CECR2: variants seen among roughly 807,000 people sequenced by gnomAD.
CECR2 encodes the protein CECR2 histone acetyl-lysine reader.
In CECR2, 30 loss-of-function variants were observed where a neutral mutation model predicts 154.5. The observed-to-expected ratio is 0.19, with a 90% CI of 0.15 to 0.26. The LOEUF (loss-of-function observed/expected upper bound fraction) is 0.26. Ranked by LOEUF, CECR2 falls within the 10% of genes least tolerant of loss-of-function variation. The pLI is 1.00. For synonymous variants in CECR2, 725 were observed against 683.7 expected (o/e 1.06, Z -0.94); for missense variants, 1,743 against 1,829.3 (o/e 0.95, Z 0.86).
chr22:17,513,110 G>A (rs2055989058), intron 8 of CECR2, among the ~76,000 whole-genome samples: 1 of 152,050 alleles, frequency 6.6e-6, no homozygotes, highest in Non-Finnish European at 1.5e-5. Context: ...GTGTAGCTCA[G>A]GAGCCTGAAG....
At chr22:17,421,090 AT>A (rs112141868) in intron 1 of CECR2, among the ~76,000 whole-genome samples, 10 of 150,912 alleles carry the variant, frequency 6.6e-5, no homozygotes, top group African/African-American at 1.9e-4. Flanking sequence ...TTAGCTAAGA[AT>A]TTTTTTTTTA....
chr22:17,511,112 C>T (rs2055942676), intron 7 of CECR2, among the ~76,000 whole-genome samples: 1 of 152,166 alleles, frequency 6.6e-6, no homozygotes, highest in South Asian at 2.1e-4. Flanking sequence ...TAAGGGAAGG[C>T]CTTTGCTTGT....
At chr22:17,429,476 C>T (rs113602412) in intron 1 of CECR2, among the ~76,000 whole-genome samples, 2,179 of 146,580 alleles carry the variant, frequency 0.015, 58 homozygotes, top group African/African-American at 0.051. Context: ...CCGAGGTAGT[C>T]GGATCGCTTG....
At chr22:17,438,955 C>T (rs2054545784) in intron 1 of CECR2, among the ~76,000 whole-genome samples, 1 of 152,056 alleles carries the variant, frequency 6.6e-6, no homozygotes, top group South Asian at 2.1e-4. Flanking sequence ...TTGGGAGGAT[C>T]ACTTGAGGCC....
chr22:17,534,975 C>A (rs891140699), intron 9 of CECR2, among the ~76,000 whole-genome samples: 5 of 151,392 alleles, frequency 3.3e-5, no homozygotes, highest in African/African-American at 1.2e-4. Context: ...ACAGTGAAAC[C>A]CCGTCTCTAC....
intron 1 of CECR2, among the ~76,000 whole-genome samples, chr22:17,423,506 CAA>C (rs77498895): frequency 0.28 from 40,342 of 143,612 alleles, 7,201 homozygotes; most frequent in African/African-American, 0.52. Flanking sequence ...GACTCTGTCT[CAA>C]AAAAAAAAAA....
chr22:17,527,973 C>G (rs956406957), intron 9 of CECR2, among the ~76,000 whole-genome samples: 1 of 152,070 alleles, frequency 6.6e-6, no homozygotes, highest in South Asian at 2.1e-4. Flanking sequence ...ATAAATTAGT[C>G]CCCCGCTATG....
Position 17,445,567 on chromosome 22 carries a change from A to G in CECR2, c.127-32021A>G, listed in dbSNP as rs928441815. On this transcript the variant is annotated intron_variant, in intron 1 of 18. Coordinates refer to ENST00000262608, the MANE Select transcript of CECR2 (RefSeq NM_001290047.2). ...CTTTATTATTATTATTATTATTATT[A>G]TTATTATTATTATTATTATTATTAT... Among the ~76,000 whole-genome samples the G allele has an allele frequency of 1.9e-4, 18 of 94,652 alleles. No homozygotes were observed. The East Asian group carries it at 2.7e-3, about 14-fold the overall frequency. The allele number at this position is 94,652 out of a possible 152,430, so 62.1% of individuals were successfully genotyped here.
chr22:17,442,784 T>C (rs993895583), intron 1 of CECR2, among the ~76,000 whole-genome samples: 2 of 152,056 alleles, frequency 1.3e-5, no homozygotes, highest in East Asian at 1.9e-4. Context: ...CCTGACCTCA[T>C]GATCCACCCT....
intron 1 of CECR2, among the ~76,000 whole-genome samples, chr22:17,443,269 T>C (rs2054610990): frequency 6.6e-6 from 1 of 152,266 alleles, no homozygotes; most frequent in Non-Finnish European, 1.5e-5. Context: ...TTCCCGTTTT[T>C]AGTTTTAACA....
At chr22:17,541,367 C>T (rs1374700080) in intron 14 of CECR2, among the ~76,000 whole-genome samples, 1 of 152,158 alleles carries the variant, frequency 6.6e-6, no homozygotes, top group Non-Finnish European at 1.5e-5. Context: ...ATTGCTTGAA[C>T]CCAGGAGGCA....
chr22:17,544,178 C>CA (rs2056574007), intron 16 of CECR2, among the ~76,000 whole-genome samples: 1 of 152,140 alleles, frequency 6.6e-6, no homozygotes, highest in Non-Finnish European at 1.5e-5. Context: ...CCAGCCTGGG[C>CA]AAGAGAGTAA....
chr22:17,469,048 C>T (rs1228085036), intron 1 of CECR2, among the ~76,000 whole-genome samples: 1 of 152,016 alleles, frequency 6.6e-6, no homozygotes, highest in East Asian at 1.9e-4. Context: ...GCCCTCCTGA[C>T]CCAATCACCT....
intron 1 of CECR2, among the ~76,000 whole-genome samples, chr22:17,423,785 C>T (rs1457817760): frequency 2.0e-5 from 3 of 152,092 alleles, no homozygotes; most frequent in African/African-American, 7.2e-5. Flanking sequence ...CCGGCTGTCT[C>T]CAGTTTGGGG....
At position 17,549,027 on chromosome 22, in the gene CECR2, A is replaced by C. The variant is rs764954759; in HGVS notation, c.3740A>C (p.Gln1247Pro). The C allele has an allele frequency of 1.3e-5, 21 of 1,613,964 alleles. No homozygotes were observed. Among genetic ancestry groups the C allele is most frequent in the Non-Finnish European group, 1.8e-5 (21 of 1,179,890 alleles). ...FSDKNAMASL[Q>P]GCETLNAALT... is the part of the protein sequence containing the mutation. The stretch of plus-strand genomic sequence containing the variant: ...GATAAGAATGCCATGGCCAGTCTGC[A>C]AGGCTGTGAGACACTGAATGCTGCC... Residue 1247 changes from glutamine to proline, a missense_variant, in exon 17 of 19, where the codon CAA (glutamine) becomes CCA (proline). Coordinates refer to ENST00000262608, the MANE Select transcript of CECR2 (RefSeq NM_001290047.2).
chr22:17,368,743 G>C (rs879698466), upstream of CECR2, among the ~76,000 whole-genome samples: 6 of 152,022 alleles, frequency 3.9e-5, no homozygotes, highest in Non-Finnish European at 8.8e-5. Context: ...AGGGTTCCGA[G>C]CCCGTCTTCT....
intron 2 of CECR2, among the ~76,000 whole-genome samples, chr22:17,486,408 C>T (rs2055421084): frequency 6.6e-6 from 1 of 152,134 alleles, no homozygotes. Context: ...CCGAGGAGGC[C>T]CCCGTGATGC....
intron 1 of CECR2, among the ~76,000 whole-genome samples, chr22:17,387,530 C>A (rs113227729): frequency 9.6e-4 from 146 of 152,316 alleles, no homozygotes; most frequent in Non-Finnish European, 1.6e-3. Context: ...CTCCAGCCTG[C>A]TGGCGTGTGT....
chr22:17,462,422 G>A (rs2054956306), intron 1 of CECR2, among the ~76,000 whole-genome samples: 1 of 151,994 alleles, frequency 6.6e-6, no homozygotes, highest in Non-Finnish European at 1.5e-5. Flanking sequence ...GTAGGTTGAG[G>A]TCATTTGGGG....
Sources: gnomAD v4.1 joint callset for allele counts (sites outside exome capture counted in the v4.1 genomes callset) on GRCh38, gnomAD v4.1.1 for gene constraint, MANE v1.5 for transcripts, NCBI Gene and HGNC (gene_info 2026-07-23, HGNC 2026-07-21) for gene names.